Variants in AFAP1L2 observed in about 807,000 individuals in gnomAD.
AFAP1L2 encodes the protein actin filament associated protein 1 like 2, also known as actin filament-associated protein 1-like 2.
Under a neutral mutation model 99.3 loss-of-function variants are expected in AFAP1L2, and 46 were observed. The ratio of observed to expected loss-of-function variants is 0.46; its 90% CI spans 0.37 to 0.59. AFAP1L2 has a LOEUF of 0.59. AFAP1L2 is among the 20% of genes least tolerant of loss of function. AFAP1L2 has a pLI of 0.00. For missense variants in AFAP1L2, 959 were observed against 1,034.9 expected (o/e 0.93, Z 1.01); for synonymous variants, 397 against 419.1 (o/e 0.95, Z 0.64).
chr10:114,363,015 G>T lies in AFAP1L2; in HGVS notation c.17-22284C>A, dbSNP rs1025332843. 4 of 985,292 alleles carry T rather than the reference G, an allele frequency of 4.1e-6. No individual in the cohort carries two copies. In the South Asian group the frequency reaches 1.9e-4, roughly 46 times the overall value. 61.0% of individuals were successfully genotyped at this position (985,292 alleles called of 1,614,324 possible). A position where few individuals can be genotyped will look rare whatever the true frequency, so the allele number is the denominator to read the frequency against. On this transcript the variant is annotated intron_variant, in intron 1 of 18. Transcript: ENST00000304129. ...GCCCGACAGGTGGGGAGGGACAGCT[G>T]CATGGAGCCCACCAGAGAGGACTGT... is the stretch of plus-strand genomic sequence containing the variant.
Position 114,296,785 on chromosome 10 carries a change from A to G in AFAP1L2, c.2430+193T>C, listed in dbSNP as rs570574506. The G allele has an allele frequency of 6.2e-5, 51 of 825,070 alleles. No homozygotes were observed. The East Asian group carries it at 1.5e-3, about 24-fold the overall frequency. The allele number at this position is 825,070 out of a possible 1,614,324, so 51.1% of individuals were successfully genotyped here. ...GGAAGGATGCTCGAACCAAGTGCAGACACCTTTCTGGTTGGTCAGTGCCAG... is the reference window on the plus strand; with the variant it reads ...GGAAGGATGCTCGAACCAAGTGCAGGCACCTTTCTGGTTGGTCAGTGCCAG... On this transcript the variant is annotated intron_variant, in intron 18 of 18. Transcript: ENST00000304129.
At chr10:114,301,983 G>A (rs2041280233) in intron 12 of AFAP1L2, 1 of 278,514 alleles carries the variant, frequency 3.6e-6, no homozygotes, top group African/African-American at 2.2e-5. Context: ...ACCACCCCCT[G>A]ACCTGCTTTT....
Position 114,315,727 on chromosome 10 carries a change from C to T in AFAP1L2, c.445G>A (p.Asp149Asn), listed in dbSNP as rs1167471580. 3.7e-6 allele frequency: 6 copies of T among 1,613,064 alleles called. No homozygotes were observed. Among genetic ancestry groups the T allele is most frequent in the Non-Finnish European group, 3.4e-6 (4 of 1,179,900 alleles). ...TTGCCCTTGCTGCCGTCCTCTTCAT[C>T]GTAGGACTCGTAGGAGCTGCTCACA... ...EAVSSSYESY[D>N]EEDGSKGKSA... Residue 149 changes from aspartate to asparagine, a missense_variant, in exon 6 of 19, where the codon GAT (aspartate) becomes AAT (asparagine). Asp to Asn is a conservative substitution (Grantham distance 23). Coordinates refer to ENST00000304129, the MANE Select transcript of AFAP1L2 (RefSeq NM_001001936.3).
chr10:114,308,324 T>C (rs546930808), intron 9 of AFAP1L2, 109 bp downstream of exon 9: 3 of 927,250 alleles, frequency 3.2e-6, no homozygotes, highest in Non-Finnish European at 5.0e-6. Flanking sequence ...GAGTGGTTTA[T>C]TAATAGGGGG....
Position 114,323,217 on chromosome 10 carries a change from T to G in AFAP1L2, c.360A>C (p.Pro120=). 1.2e-6 allele frequency: 2 copies of G among 1,603,636 alleles called. No homozygotes were observed. The highest frequency in any genetic ancestry group is 1.7e-6 in the Non-Finnish European group (2 of 1,174,380). ...KQLAIPKTES[P]EGYYEEAEPY... ...GCTCAGCCTCTTCATAGTAGCCCTC[T>G]GGAGACTCCGTCTTTGGGATGGCAA... is the stretch of plus-strand genomic sequence containing the variant. Residue 120 remains proline (P), a synonymous_variant, in exon 5 of 19, where the codon CCA becomes CCC. Transcript: ENST00000304129.
intron 1 of AFAP1L2, among the ~76,000 whole-genome samples, chr10:114,402,229 G>A (rs752493438): frequency 6.6e-6 from 1 of 152,160 alleles, no homozygotes; most frequent in East Asian, 1.9e-4. Context: ...AGAGACTACC[G>A]ATTCTAGTCA....
rs1223648361 is a variant in AFAP1L2 at position 114,294,994 on chromosome 10, G to A, written c.*1048C>T. The A allele has an allele frequency of 3.8e-5, 35 of 909,298 alleles. No homozygotes were observed. Among genetic ancestry groups the A allele is most frequent in the Non-Finnish European group, 4.3e-5 (33 of 772,708 alleles). 56.3% of individuals were successfully genotyped at this position (909,298 alleles called of 1,614,324 possible). On this transcript the variant is annotated 3_prime_UTR_variant, in exon 19 of 19. Transcript: ENST00000304129. ...CTCCAGAAATGAGGCAGAGATAATA[G>A]ATGAAATGTTTCAACCTGTGTTAAA...
At chr10:114,384,013 G>A (rs2056113472) in intron 1 of AFAP1L2, among the ~76,000 whole-genome samples, 1 of 152,124 alleles carries the variant, frequency 6.6e-6, no homozygotes, top group Admixed American at 6.5e-5. Flanking sequence ...TTCTCCCTTG[G>A]CCCCAGTGCC....
At chr10:114,282,313 T>A in the AFAP1L2 span, among the ~76,000 whole-genome samples, 1 of 152,222 alleles carries the variant, frequency 6.6e-6, no homozygotes, top group Admixed American at 6.5e-5. Context: ...CTATTTTTTT[T>A]AATTGTCACT....
chr10:114,339,749 T>G (rs1230610676), intron 2 of AFAP1L2, among the ~76,000 whole-genome samples: 1 of 150,300 alleles, frequency 6.7e-6, no homozygotes, highest in Non-Finnish European at 1.5e-5. Flanking sequence ...CATGGTGGCT[T>G]ACGCCTGTAA....
chr10:114,375,451 T>C (rs2054658974), intron 1 of AFAP1L2, among the ~76,000 whole-genome samples: 1 of 152,246 alleles, frequency 6.6e-6, no homozygotes, highest in Non-Finnish European at 1.5e-5. Context: ...ACAAACTTTT[T>C]ATTGACAAAA....
chr10:114,404,974 C>T (rs2138650673), upstream of AFAP1L2, among the ~76,000 whole-genome samples: 1 of 152,296 alleles, frequency 6.6e-6, no homozygotes, highest in East Asian at 1.9e-4. Context: ...CCCGAGCCAG[C>T]GCGCTTTTGC....
intron 12 of AFAP1L2, chr10:114,302,136 G>A (rs2041303235): frequency 1.4e-6 from 1 of 735,028 alleles, no homozygotes; most frequent in Admixed American, 2.7e-5. Context: ...CCCGAAGCCT[G>A]GCTCGGCTCC....
At chr10:114,337,630 A>T (rs2135797169) in intron 2 of AFAP1L2, among the ~76,000 whole-genome samples, 1 of 152,218 alleles carries the variant, frequency 6.6e-6, no homozygotes, top group East Asian at 1.9e-4. Flanking sequence ...ATAAGAGCCG[A>T]TCAAGGGCAG....
chr10:114,389,046 A>T (rs1229007288), intron 1 of AFAP1L2, among the ~76,000 whole-genome samples: 1 of 152,174 alleles, frequency 6.6e-6, no homozygotes, highest in African/African-American at 2.4e-5. Flanking sequence ...GTTCCGGAAG[A>T]CTTAAGCTTT....
At chr10:114,345,096 C>CA (rs546367453) in intron 1 of AFAP1L2, among the ~76,000 whole-genome samples, 1,947 of 78,212 alleles carry the variant, frequency 0.025, 22 homozygotes, top group African/African-American at 0.057. Context: ...GACTCCATCT[C>CA]AAAAAAAAAA....
At chr10:114,350,393 G>C (rs1005890282) in intron 1 of AFAP1L2, among the ~76,000 whole-genome samples, 4 of 152,198 alleles carry the variant, frequency 2.6e-5, no homozygotes, top group African/African-American at 9.7e-5. Flanking sequence ...ACTTCTGTGT[G>C]GGTAGGGACT....
the AFAP1L2 span, among the ~76,000 whole-genome samples, chr10:114,288,097 C>T: frequency 6.6e-6 from 1 of 152,220 alleles, no homozygotes; most frequent in African/African-American, 2.4e-5. Flanking sequence ...ACTCCTTCCC[C>T]TGGCTTCTGA....
intron 1 of AFAP1L2, among the ~76,000 whole-genome samples, chr10:114,380,787 A>G (rs1422356876): frequency 6.6e-6 from 1 of 152,248 alleles, no homozygotes; most frequent in Non-Finnish European, 1.5e-5. Context: ...GAAAAATGCA[A>G]ATTTGGACCC....
Sources: allele counts gnomAD v4.1 joint callset (sites outside exome capture counted in the v4.1 genomes callset), GRCh38; gene constraint gnomAD v4.1.1; transcripts MANE v1.5; gene names NCBI Gene and HGNC (gene_info 2026-07-23, HGNC 2026-07-21).